Variants in LMF1 observed in about 807,000 individuals in gnomAD.
LMF1 encodes the protein transmembrane protein 112.
A neutral mutation model predicts 60.6 loss-of-function variants in LMF1; 68 were observed. The observed-to-expected ratio is 1.12, with a 90% CI of 0.92 to 1.37. LMF1 has a LOEUF of 1.37. Ranked by LOEUF, LMF1 falls within the 40% of genes most tolerant of loss-of-function variation. The pLI is 0.00. For missense variants in LMF1, 948 were observed against 767.2 expected, an observed-to-expected ratio of 1.24 and a Z score of -2.78; for synonymous variants, 418 against 324.7, an observed-to-expected ratio of 1.29 and a Z score of -3.09.
chr16:931,875 C>T (rs1006361421), intron 3 of LMF1: 14 of 1,164,624 alleles, frequency 1.2e-5, no homozygotes, highest in Non-Finnish European at 1.5e-5. Flanking sequence ...GTCAACAATT[C>T]GCTTCTGAGT....
At chr16:975,245 T>C (rs2073112777), upstream of LMF1, among the ~76,000 whole-genome samples, 1 of 152,172 alleles carries the variant, frequency 6.6e-6, no homozygotes, top group South Asian at 2.1e-4. Flanking sequence ...CCATGGTTTC[T>C]AGACAGTGGA....
At chr16:876,752 A>T (rs2151709754) in intron 6 of LMF1, among the ~76,000 whole-genome samples, 1 of 151,904 alleles carries the variant, frequency 6.6e-6, no homozygotes, top group East Asian at 1.9e-4. Flanking sequence ...TCGGGGGGTC[A>T]TGGTGGCAAA....
At chr16:943,954 G>A (rs141887019) in intron 2 of LMF1, among the ~76,000 whole-genome samples, 8 of 152,126 alleles carry the variant, frequency 5.3e-5, no homozygotes, top group Non-Finnish European at 1.0e-4. Context: ...ACATCATTGA[G>A]AAGTTAATTT....
At chr16:868,822 C>T in intron 10 of LMF1, 122 bp downstream of exon 10, 1 of 673,596 alleles carries the variant, frequency 1.5e-6, no homozygotes, top group East Asian at 2.6e-5. Context: ...CACCTCCTGC[C>T]TCTGCGGGAG....
At chr16:924,026 A>G (rs2071520387) in intron 3 of LMF1, among the ~76,000 whole-genome samples, 1 of 152,252 alleles carries the variant, frequency 6.6e-6, no homozygotes, top group Non-Finnish European at 1.5e-5. Flanking sequence ...ATGAAGAGTT[A>G]TTAGAAAAAA....
chr16:884,679 C>A lies in LMF1; in HGVS notation c.730-4942G>T, dbSNP rs12598695. ...TCACGGATGGAAGCCTAGATCTCCA[C>A]GCAGGAGTGAAGAGCTCTGGAAATG... On this transcript the variant is annotated intron_variant, in intron 5 of 10. Transcript: ENST00000262301. Among the ~76,000 whole-genome samples the A allele has an allele frequency of 9.5e-3, 1,417 of 149,494 alleles. 19 individuals carry two copies. Among genetic ancestry groups the A allele is most frequent in the East Asian group, 0.047 (235 of 4,996 alleles).
chr16:946,153 T>A (rs1026892061), intron 2 of LMF1, among the ~76,000 whole-genome samples: 2 of 152,194 alleles, frequency 1.3e-5, no homozygotes, highest in Non-Finnish European at 1.5e-5. Flanking sequence ...AAATGACACA[T>A]GGGACATGGG....
intron 3 of LMF1, among the ~76,000 whole-genome samples, chr16:912,632 G>A (rs996306398): frequency 2.0e-5 from 3 of 152,334 alleles, no homozygotes; most frequent in Admixed American, 2.0e-4. Flanking sequence ...GCTGACGCCT[G>A]CTGGTCTCTC....
intron 2 of LMF1, 127 bp downstream of exon 2, chr16:954,230 A>T: frequency 5.8e-6 from 6 of 1,031,314 alleles, no homozygotes; most frequent in Non-Finnish European, 8.7e-6. Flanking sequence ...AAGTAAAATG[A>T]CAATACCCTC....
At position 854,292 on chromosome 16, in the gene LMF1, G is replaced by A. The variant is rs145194126; in HGVS notation, c.*240C>T. On this transcript the variant is annotated 3_prime_UTR_variant, in exon 11 of 11. Coordinates refer to ENST00000262301, the MANE Select transcript of LMF1 (RefSeq NM_022773.4). ...AGGGTGGGATGGATGGGAGATCAGA[G>A]CCCCTGGCGCCTGGGACAAGGGTTG... The A allele has an allele frequency of 1.5e-6, 1 of 681,252 alleles. No individual in the cohort carries two copies. Among genetic ancestry groups the A allele is most frequent in the Non-Finnish European group, 2.7e-6 (1 of 372,986 alleles). The allele number at this position is 681,252 out of a possible 1,614,324, so 42.2% of individuals were successfully genotyped here.
chr16:854,211 T>C lies in LMF1; in HGVS notation c.*321A>G. 1 of 566,726 alleles carries C rather than the reference T, an allele frequency of 1.8e-6. No homozygotes were observed. Among genetic ancestry groups the C allele is most frequent in the South Asian group, 1.5e-5 (1 of 65,480 alleles). The allele number at this position is 566,726 out of a possible 1,614,324, so 35.1% of individuals were successfully genotyped here. ...GCTGTAGTGGAGGAAGGTGTCAGGA[T>C]GGCCATTGTCTCAACTCCTGTGGGC... On this transcript the variant is annotated 3_prime_UTR_variant, in exon 11 of 11. Transcript: ENST00000262301.
chr16:882,314 C>T (rs2070183800), intron 5 of LMF1, among the ~76,000 whole-genome samples: 1 of 152,248 alleles, frequency 6.6e-6, no homozygotes, highest in African/African-American at 2.4e-5. Flanking sequence ...CCTGGAATCC[C>T]AGCCGACCTT....
intron 10 of LMF1, among the ~76,000 whole-genome samples, chr16:859,227 G>C (rs867389847): frequency 6.5e-5 from 8 of 123,342 alleles, no homozygotes; most frequent in Admixed American, 7.5e-5. Context: ...GGTGTGCAGT[G>C]GTGTCACGGG....
rs776329119 is a variant in LMF1 at position 911,028 on chromosome 16, G to A, written c.566C>T (p.Pro189Leu). ...ETGFLGIFLC[P>L]LWTLSRLPQH... ...GGGCAGCCTTGACAGCGTCCACAGAGGGCACAGGAAGATCCCCAGGAACCC... is the reference window on the plus strand; with the variant it reads ...GGGCAGCCTTGACAGCGTCCACAGAAGGCACAGGAAGATCCCCAGGAACCC... Residue 189 changes from proline to leucine, a missense_variant, in exon 4 of 11, where the codon CCT becomes CTT. Coordinates refer to ENST00000262301, the MANE Select transcript of LMF1 (RefSeq NM_022773.4). The A allele has an allele frequency of 1.2e-6, 2 of 1,613,080 alleles. No individual in the cohort carries two copies. Among genetic ancestry groups the A allele is most frequent in the Non-Finnish European group, 1.7e-6 (2 of 1,179,828 alleles).
intron 3 of LMF1, among the ~76,000 whole-genome samples, chr16:929,227 C>T (rs977662152): frequency 7.2e-5 from 11 of 152,210 alleles, no homozygotes; most frequent in Non-Finnish European, 1.3e-4. Context: ...GGTCTCAGTC[C>T]CAGAACAACG....
At chr16:925,682 G>C (rs2071572593) in intron 3 of LMF1, among the ~76,000 whole-genome samples, 2 of 152,228 alleles carry the variant, frequency 1.3e-5, no homozygotes, top group African/African-American at 4.8e-5. Context: ...GCTGCAATGA[G>C]CCGTGATTGT....
intron 1 of LMF1, among the ~76,000 whole-genome samples, chr16:966,914 C>T (rs1398942648): frequency 2.0e-5 from 3 of 152,264 alleles, no homozygotes; most frequent in Non-Finnish European, 4.4e-5. Flanking sequence ...CCAGATAACA[C>T]CTTAATTCTG....
rs186247027 is a variant in LMF1 at position 870,008 on chromosome 16, C to T, written c.1291G>A (p.Ala431Thr). Residue 431 changes from alanine to threonine, a missense_variant, in exon 9 of 11, where the codon GCC becomes ACC. Ala to Thr is a moderately conservative substitution (Grantham distance 58, BLOSUM62 0). Transcript: ENST00000262301. Reference protein sequence around the residue: ...LQGTASSNASAPDAMWEDYEF... With the variant: ...LQGTASSNASTPDAMWEDYEF... The stretch of plus-strand genomic sequence containing the variant: ...TAGTCCTCCCACATGGCATCGGGGG[C>T]GCTGGCGTTGGAGCTGGCTGTGCCC... 8.3e-5 allele frequency: 134 copies of T among 1,612,980 alleles called. No individual in the cohort carries two copies. In the Admixed American group the frequency reaches 1.5e-3, roughly 18 times the overall value.
At chr16:951,865 A>C (rs2072479617) in intron 2 of LMF1, among the ~76,000 whole-genome samples, 1 of 152,230 alleles carries the variant, frequency 6.6e-6, no homozygotes, top group African/African-American at 2.4e-5. Flanking sequence ...CCACCAGGCC[A>C]CCGTCAGCAG....
Sources: gnomAD v4.1 joint callset for allele counts (sites outside exome capture counted in the v4.1 genomes callset) on GRCh38, gnomAD v4.1.1 for gene constraint, MANE v1.5 for transcripts, NCBI Gene and HGNC (gene_info 2026-07-23, HGNC 2026-07-21) for gene names.